ZNF469: variants seen among roughly 807,000 people sequenced by gnomAD.
ZNF469 encodes zinc finger protein 469.
Under a neutral mutation model 1.0 loss-of-function variants are expected in ZNF469, and 1 was observed. The ratio of observed to expected loss-of-function variants is 1.00; its 90% confidence interval spans 0.35 to 4.73. ZNF469 has a LOEUF of 4.73. ZNF469 is among the 30% of genes most tolerant of loss of function. ZNF469 has a pLI of 0.16. For synonymous variants in ZNF469, 2,703 were observed against 2,363.4 expected (o/e 1.14, Z -4.17); for missense variants, 6,100 against 5,356.3 (o/e 1.14, Z -4.33).
chr16:88,258,018 A>C, the ZNF469 span, among the ~76,000 whole-genome samples: 1 of 152,238 alleles, frequency 6.6e-6, no homozygotes. Flanking sequence ...GCCCTCTATG[A>C]AGTACAAGGA....
the ZNF469 span, among the ~76,000 whole-genome samples, chr16:88,109,241 C>A: frequency 2.2e-4 from 34 of 152,284 alleles, no homozygotes; most frequent in African/African-American, 7.9e-4. Context: ...GTGGGTGAGG[C>A]CCCAACAGTG....
the ZNF469 span, among the ~76,000 whole-genome samples, chr16:88,201,624 C>T: frequency 6.6e-6 from 1 of 151,982 alleles, no homozygotes; most frequent in African/African-American, 2.4e-5. The surrounding 1 kb of genome is among the most constrained non-coding windows in gnomAD (Gnocchi z 5.0). Context: ...AGGCTGGGCA[C>T]AGACAGCTGT....
chr16:88,387,127 A>T (rs1156711288), intron 1 of ZNF469, among the ~76,000 whole-genome samples: 1 of 152,134 alleles, frequency 6.6e-6, no homozygotes, highest in Non-Finnish European at 1.5e-5. Context: ...GCCTTGTGCT[A>T]GACACCCAGA....
At chr16:88,413,968 G>A (rs1905241912) in intron 1 of ZNF469, among the ~76,000 whole-genome samples, 1 of 152,192 alleles carries the variant, frequency 6.6e-6, no homozygotes, top group Admixed American at 6.5e-5. Flanking sequence ...GTGAGGAGAA[G>A]GGCCCTGCTG....
At chr16:88,308,384 C>T in the ZNF469 span, among the ~76,000 whole-genome samples, 11 of 152,152 alleles carry the variant, frequency 7.2e-5, no homozygotes, top group Non-Finnish European at 1.5e-4. Flanking sequence ...AGATTGTGAT[C>T]GGGATTGCAC....
Position 88,383,763 on chromosome 16 carries a change from TGCGAGTCGGCG to T in ZNF469, c.-192+511_-192+521del, listed in dbSNP as rs1221891621. Among the ~76,000 whole-genome samples the T allele has an allele frequency of 5.2e-4, 79 of 151,974 alleles. No homozygotes were observed. In the East Asian group the frequency reaches 0.015, roughly 29 times the overall value. On this transcript the variant is annotated intron_variant, in intron 1 of 2. Coordinates refer to ENST00000565624, the MANE Select transcript of ZNF469 (RefSeq NM_001367624.2). ...CGGCGCTCCGAGCGCGGCATAGGCT[TGCGAGTCGGCG>T]GTGTCAGCGCCCCGGACGGGGGTGG...
the ZNF469 span, among the ~76,000 whole-genome samples, chr16:88,198,432 A>G: frequency 6.6e-6 from 1 of 152,254 alleles, no homozygotes; most frequent in African/African-American, 2.4e-5. Context: ...ACTTCCTGCA[A>G]TGGCAGAACA....
chr16:88,197,546 C>G, the ZNF469 span, among the ~76,000 whole-genome samples: 1 of 152,234 alleles, frequency 6.6e-6, no homozygotes, highest in African/African-American at 2.4e-5. Context: ...GGAGAAAGCC[C>G]TTGCCCATTG....
the ZNF469 span, among the ~76,000 whole-genome samples, chr16:88,202,792 G>C: frequency 1.3e-5 from 2 of 152,236 alleles, no homozygotes; most frequent in Non-Finnish European, 2.9e-5. Context: ...GGGTGAGGAG[G>C]TGATGAGGGG....
chr16:88,119,760 C>T, the ZNF469 span, among the ~76,000 whole-genome samples: 11 of 152,328 alleles, frequency 7.2e-5, no homozygotes, highest in South Asian at 1.9e-3. Context: ...AAGTCAACGG[C>T]AGACTGATAA....
chr16:88,190,822 G>A, the ZNF469 span, among the ~76,000 whole-genome samples: 3 of 152,198 alleles, frequency 2.0e-5, no homozygotes, highest in Admixed American at 2.0e-4. Flanking sequence ...TCAGTTTCCT[G>A]TTGCCTCTGT....
intron 1 of ZNF469, among the ~76,000 whole-genome samples, chr16:88,393,475 G>C (rs1301926636): frequency 6.6e-6 from 1 of 152,212 alleles, no homozygotes; most frequent in African/African-American, 2.4e-5. Context: ...AGGGCACCCA[G>C]GGGGGCCTGC....
At chr16:88,154,555 G>A in the ZNF469 span, among the ~76,000 whole-genome samples, 2 of 152,242 alleles carry the variant, frequency 1.3e-5, no homozygotes, top group African/African-American at 4.8e-5. Flanking sequence ...TGTGTTTCCT[G>A]ATTGAAGCCT....
chr16:88,413,132 C>T lies in ZNF469; in HGVS notation c.-191-11675C>T, dbSNP rs867361049. ...TCTGCCTTATCCAAGGCACGGGGGC[C>T]ATAGTCGTGCGTAAAGCTAATTAAA... On this transcript the variant is annotated intron_variant, in intron 1 of 2. Coordinates refer to ENST00000565624, the MANE Select transcript of ZNF469 (RefSeq NM_001367624.2). Among the ~76,000 whole-genome samples the T allele has an allele frequency of 3.3e-5, 5 of 152,276 alleles. No individual in the cohort carries two copies. The Middle Eastern group carries it at 0.014, about 414-fold the overall frequency.
At chr16:88,306,467 C>T in the ZNF469 span, among the ~76,000 whole-genome samples, 3 of 152,202 alleles carry the variant, frequency 2.0e-5, no homozygotes, top group Non-Finnish European at 4.4e-5. Flanking sequence ...CCCTGGGAGG[C>T]TCGGGGAGGC....
the ZNF469 span, among the ~76,000 whole-genome samples, chr16:88,275,528 G>A: frequency 6.6e-6 from 1 of 152,176 alleles, no homozygotes; most frequent in Non-Finnish European, 1.5e-5. Flanking sequence ...GATGGCGGGA[G>A]GGTGCCTGGA....
At chr16:88,217,598 C>T in the ZNF469 span, among the ~76,000 whole-genome samples, 1 of 109,398 alleles carries the variant, frequency 9.1e-6, no homozygotes, top group African/African-American at 3.5e-5. Flanking sequence ...CCCCTCCCCC[C>T]ACCCCACCAC....
chr16:88,340,509 A>G, the ZNF469 span, among the ~76,000 whole-genome samples: 1 of 152,232 alleles, frequency 6.6e-6, no homozygotes, highest in Non-Finnish European at 1.5e-5. Context: ...GTCAGGTGTC[A>G]TGGGTCAGGC....
At chr16:88,252,870 AC>A in the ZNF469 span, among the ~76,000 whole-genome samples, 1 of 152,136 alleles carries the variant, frequency 6.6e-6, no homozygotes, top group Non-Finnish European at 1.5e-5. Context: ...AGTTCCACCA[AC>A]ATCTCCCAGA....
Sources: allele counts gnomAD v4.1 joint callset (sites outside exome capture counted in the v4.1 genomes callset), GRCh38; gene constraint gnomAD v4.1.1; non-coding constraint Gnocchi (gnomAD v3.1); transcripts MANE v1.5; gene names NCBI Gene and HGNC (gene_info 2026-07-23, HGNC 2026-07-21).